The following AKNA variants were observed in gnomAD, a reference collection of about 807,000 sequenced individuals.
The protein encoded by AKNA is microtubule organization protein AKNA.
Under a neutral mutation model 138.8 loss-of-function variants are expected in AKNA, and 67 were observed. That is an observed-to-expected ratio of 0.48 (90% confidence interval 0.40 to 0.59). The LOEUF is 0.59. AKNA is among the 20% of genes least tolerant of loss of function. The pLI is 0.00. For synonymous variants in AKNA, 737 were observed against 754.4 expected (o/e 0.98, Z 0.38); for missense variants, 1,813 against 1,880.4 (o/e 0.96, Z 0.66).
At chr9:114,330,731 C>T (rs1385668243), downstream of AKNA, 51 of 1,596,370 alleles carry the variant, frequency 3.2e-5, no homozygotes, top group African/African-American at 1.9e-4. Flanking sequence ...CTGTGATGGG[C>T]GATTGGCCAC....
rs41278661 is a variant in AKNA at position 114,374,129 on chromosome 9, G to A, written c.1380C>T (p.Ala460=). The change falls in exon 4 of 22, where the codon GCC becomes GCT. Residue 460 remains alanine (A), a synonymous_variant. Coordinates refer to ENST00000374088, the MANE Select transcript of AKNA (RefSeq NM_001317950.2). ...GGCGTAGCTGGTCAATGGTGTTCTC[G>A]GCCTCAGCGTACTTGGTGAGGAGCC... ...YHRLLTKYAE[A]ENTIDQLRLG... is the part of the protein sequence containing the mutation. 1,908 of 1,559,722 alleles carry A rather than the reference G, an allele frequency of 1.2e-3. 2 individuals are homozygous for A. Among genetic ancestry groups the A allele is most frequent in the Non-Finnish European group, 1.6e-3 (1,795 of 1,151,280 alleles).
chr9:114,337,140 C>A lies in AKNA; in HGVS notation c.4234G>T (p.Val1412Phe). Residue 1412 changes from valine (V) to phenylalanine (F), a missense_variant, in exon 22 of 22, where the codon GTC (valine) becomes TTC (phenylalanine). Physicochemically the swap from Val to Phe is conservative, Grantham distance 50. Coordinates refer to ENST00000374088, the MANE Select transcript of AKNA (RefSeq NM_001317950.2). Reference protein sequence around the residue: ...LSRAVQAAESVRSTTRQMRSS... With the variant: ...LSRAVQAAESFRSTTRQMRSS... Reference sequence around the variant, plus strand: ...CTCATCTGCCTGGTGGTAGAGCGGACGCTCTCGGCAGCCTGCACGGCCCGG... The same window carrying A: ...CTCATCTGCCTGGTGGTAGAGCGGAAGCTCTCGGCAGCCTGCACGGCCCGG... 1 of 1,609,882 alleles carries A rather than the reference C, an allele frequency of 6.2e-7. No homozygotes were observed. The highest frequency in any genetic ancestry group is 8.5e-7 in the Non-Finnish European group (1 of 1,178,032).
chr9:114,383,522 G>A (rs938207510), intron 1 of AKNA, among the ~76,000 whole-genome samples: 2 of 152,188 alleles, frequency 1.3e-5, no homozygotes, highest in Non-Finnish European at 2.9e-5. Context: ...TGGGGAAACT[G>A]GGATCCAGAG....
intron 4 of AKNA, among the ~76,000 whole-genome samples, chr9:114,373,082 G>A (rs1282846315): frequency 6.6e-6 from 1 of 152,044 alleles, no homozygotes; most frequent in East Asian, 1.9e-4. Flanking sequence ...CTGTGGCAGG[G>A]GCAGGGTCCT....
At chr9:114,379,843 T>C (rs1479403834) in intron 2 of AKNA, among the ~76,000 whole-genome samples, 1 of 152,180 alleles carries the variant, frequency 6.6e-6, no homozygotes, top group Non-Finnish European at 1.5e-5. Context: ...CCATTGCTAA[T>C]TGGGATTTTA....
At chr9:114,342,437 C>T (rs1026634189) in intron 19 of AKNA, among the ~76,000 whole-genome samples, 1 of 152,200 alleles carries the variant, frequency 6.6e-6, no homozygotes, top group Non-Finnish European at 1.5e-5. Flanking sequence ...AGTAATTTGC[C>T]AAGGGTCTCA....
intron 11 of AKNA, among the ~76,000 whole-genome samples, chr9:114,358,501 G>T (rs1198238673): frequency 1.3e-5 from 2 of 152,066 alleles, no homozygotes; most frequent in Non-Finnish European, 2.9e-5. Context: ...CTACTCCAAA[G>T]ATTTTAGATC....
In AKNA at chr9:114,376,573, C is replaced by T; in HGVS notation, c.1234G>A (p.Gly412Arg). The T allele has an allele frequency of 6.2e-7, 1 of 1,614,116 alleles. No homozygotes were observed. The highest frequency in any genetic ancestry group is 2.2e-5 in the East Asian group (1 of 44,840). The change falls in exon 3 of 22, where the codon GGA (glycine) becomes AGA (arginine). Residue 412 changes from glycine (G) to arginine (R), a missense_variant. Physicochemically the swap from Gly to Arg is moderately radical, Grantham distance 125. Coordinates refer to ENST00000374088, the MANE Select transcript of AKNA (RefSeq NM_001317950.2). ...GTGTCCTTTGCCAGGGCTGCTTCTCCACTGCTCAACAGCACCTCCTGCACA... is the reference window on the plus strand; with the variant it reads ...GTGTCCTTTGCCAGGGCTGCTTCTCTACTGCTCAACAGCACCTCCTGCACA... ...EIVQEVLLSSGEAALAKDTPP... is the reference protein window; with the variant it reads ...EIVQEVLLSSREAALAKDTPP...
chr9:114,383,072 G>A (rs1833801985), intron 1 of AKNA: 2 of 454,398 alleles, frequency 4.4e-6, no homozygotes, highest in Non-Finnish European at 8.9e-6. Context: ...GGGCTTTCCT[G>A]GACCTGGGAG....
chr9:114,365,550 T>G (rs1832281892), intron 6 of AKNA, among the ~76,000 whole-genome samples: 1 of 151,996 alleles, frequency 6.6e-6, no homozygotes, highest in Non-Finnish European at 1.5e-5. Flanking sequence ...AATATAGAAA[T>G]GTATATTATA....
At chr9:114,340,000 G>A (rs1830232396) in intron 21 of AKNA, among the ~76,000 whole-genome samples, 2 of 152,320 alleles carry the variant, frequency 1.3e-5, no homozygotes, top group Middle Eastern at 3.4e-3. Context: ...TTGAGAGGAG[G>A]AGGCATGAGA....
At chr9:114,348,620 G>A (rs1182015707) in intron 15 of AKNA, among the ~76,000 whole-genome samples, 1 of 152,140 alleles carries the variant, frequency 6.6e-6, no homozygotes, top group Non-Finnish European at 1.5e-5. Context: ...CCCCAACATG[G>A]TCCAACCTCC....
At chr9:114,343,911 TC>T in intron 18 of AKNA, 108 bp from the exon 19 acceptor site, 1 of 936,094 alleles carries the variant, frequency 1.1e-6, no homozygotes, top group Non-Finnish European at 1.6e-6. Flanking sequence ...TTTAATAGTC[TC>T]TGTCTCTCTC....
At chr9:114,355,865 G>C in intron 14 of AKNA, 60 bp downstream of exon 14, 1 of 1,548,306 alleles carries the variant, frequency 6.5e-7, no homozygotes, top group Non-Finnish European at 8.8e-7. Flanking sequence ...GGTTCTGCAA[G>C]TTTTTCTATT....
Position 114,381,055 on chromosome 9 carries a change from C to A in AKNA, c.274+5G>T, listed in dbSNP as rs1317464025. On this transcript the variant is annotated splice_donor_5th_base_variant and intron_variant, in intron 2 of 21. Coordinates refer to ENST00000374088, the MANE Select transcript of AKNA (RefSeq NM_001317950.2). Reference sequence around the variant, plus strand: ...CCACTGTAGGGGGAGGGGTGTCAGTCTCACCTTCTCCCGAAGTCTCTCCTG... The same window carrying A: ...CCACTGTAGGGGGAGGGGTGTCAGTATCACCTTCTCCCGAAGTCTCTCCTG... 6.5e-7 allele frequency: 1 copy of A among 1,543,182 alleles called. No homozygotes were observed. Among genetic ancestry groups the A allele is most frequent in the Non-Finnish European group, 8.7e-7 (1 of 1,144,878 alleles).
chr9:114,356,986 C>T lies in AKNA; in HGVS notation c.2740-17G>A, dbSNP rs769538444. ...CCAGGTCTCCTGAAAGAGGCAGTAT[C>T]CCTTTATGTCTGAGGAATGTGTCCA... is the stretch of plus-strand genomic sequence containing the variant. On this transcript the variant is annotated splice_polypyrimidine_tract_variant and intron_variant, in intron 12 of 21. Coordinates refer to ENST00000374088, the MANE Select transcript of AKNA (RefSeq NM_001317950.2). The T allele has an allele frequency of 2.5e-6, 4 of 1,572,994 alleles. No homozygotes were observed. Among genetic ancestry groups the T allele is most frequent in the Non-Finnish European group, 3.4e-6 (4 of 1,163,100 alleles).
At chr9:114,393,586 A>T (rs947020499) in intron 1 of AKNA, among the ~76,000 whole-genome samples, 2 of 152,098 alleles carry the variant, frequency 1.3e-5, no homozygotes, top group African/African-American at 4.8e-5. Flanking sequence ...ATGGTTGGAA[A>T]CAATAGCAGT....
At chr9:114,371,901 C>T (rs1191358464) in intron 4 of AKNA, among the ~76,000 whole-genome samples, 1 of 152,160 alleles carries the variant, frequency 6.6e-6, no homozygotes, top group Admixed American at 6.5e-5. Context: ...CCTGGGGTCT[C>T]TCCAGCCTTC....
rs960041129 is a variant in AKNA at position 114,361,713 on chromosome 9, G to A, written c.2115C>T (p.Ser705=). Residue 705 remains serine (S), a synonymous_variant, in exon 9 of 22, where the codon TCC becomes TCT. Coordinates refer to ENST00000374088, the MANE Select transcript of AKNA (RefSeq NM_001317950.2). ...GQAPMPAIKT[S]CPEPATTTAA... is the part of the protein sequence containing the mutation. ...TTGAGCCAAGAGGTACCTCAGGGCA[G>A]GAGGTCTTGATGGCTGGCATGGGGG... The A allele has an allele frequency of 1.2e-6, 2 of 1,613,034 alleles. No individual in the cohort carries two copies. Among genetic ancestry groups the A allele is most frequent in the Non-Finnish European group, 1.7e-6 (2 of 1,180,038 alleles).
Sources: allele counts gnomAD v4.1 joint callset (sites outside exome capture counted in the v4.1 genomes callset), GRCh38; gene constraint gnomAD v4.1.1; transcripts MANE v1.5; gene names NCBI Gene and HGNC (gene_info 2026-07-23, HGNC 2026-07-21).